Variants in LIMCH1 observed in about 807,000 individuals in gnomAD.
The protein encoded by LIMCH1 is LIM and calponin homology domains-containing protein 1.
Under a neutral mutation model 176.5 loss-of-function variants are expected in LIMCH1, and 113 were observed. The observed-to-expected ratio is 0.64, with a 90% CI of 0.55 to 0.75. The LOEUF is 0.75. LIMCH1 is among the 30% of genes least tolerant of loss of function. The pLI is 0.00. For synonymous variants in LIMCH1, 619 were observed against 645.9 expected, an observed-to-expected ratio of 0.96 and a Z score of 0.63; for missense variants, 1,674 against 1,814.9, an observed-to-expected ratio of 0.92 and a Z score of 1.41.
chr4:41,608,022 A>G (rs2090959608), intron 4 of LIMCH1, among the ~76,000 whole-genome samples: 1 of 152,226 alleles, frequency 6.6e-6, no homozygotes, highest in African/African-American at 2.4e-5. Flanking sequence ...AACAGATAAA[A>G]TAAGACAACA....
At chr4:41,641,461 T>TA (rs35128364) in intron 14 of LIMCH1, among the ~76,000 whole-genome samples, 117 of 148,682 alleles carry the variant, frequency 7.9e-4, no homozygotes, top group African/African-American at 2.3e-3. Flanking sequence ...TGATATTTCT[T>TA]AAAAAAAAAA....
intron 1 of LIMCH1, among the ~76,000 whole-genome samples, chr4:41,564,817 C>G (rs62412480): frequency 2.0e-5 from 3 of 152,024 alleles, no homozygotes; most frequent in African/African-American, 7.2e-5. Context: ...GGAGGTTTTC[C>G]CTGTGTTGTT....
upstream of LIMCH1, among the ~76,000 whole-genome samples, chr4:41,535,053 T>G (rs1219560279): frequency 1.3e-5 from 2 of 150,984 alleles, no homozygotes; most frequent in Non-Finnish European, 2.9e-5. Context: ...TCCCAGCTAC[T>G]TAGGAGGCTG....
chr4:41,682,475 C>T lies in LIMCH1; in HGVS notation c.3845+15C>T, dbSNP rs201391676. The T allele has an allele frequency of 6.9e-4, 1,116 of 1,608,754 alleles. No individual in the cohort carries two copies. Among genetic ancestry groups the T allele is most frequent in the Middle Eastern group, 5.0e-3 (30 of 6,028 alleles). On this transcript the variant is annotated intron_variant, in intron 26 of 31. Transcript: ENST00000503057. Reference sequence around the variant, plus strand: ...GAGAAGGGCAGGTATGAGCCCATCCCAAGCCACCATGAAAATGTACAAAGC... The same window carrying T: ...GAGAAGGGCAGGTATGAGCCCATCCTAAGCCACCATGAAAATGTACAAAGC...
chr4:41,552,509 A>C (rs1424680121), intron 1 of LIMCH1, among the ~76,000 whole-genome samples: 7 of 152,176 alleles, frequency 4.6e-5, no homozygotes, highest in Non-Finnish European at 8.8e-5. Context: ...CTTTCCCTAC[A>C]GGCTCTTGTT....
At chr4:41,602,556 A>G (rs2090102801) in intron 2 of LIMCH1, among the ~76,000 whole-genome samples, 1 of 152,038 alleles carries the variant, frequency 6.6e-6, no homozygotes, top group African/African-American at 2.4e-5. Context: ...TTCTTTCTTA[A>G]ATTAAAAACC....
chr4:41,543,591 G>T (rs2152484027), intron 1 of LIMCH1, among the ~76,000 whole-genome samples: 1 of 152,254 alleles, frequency 6.6e-6, no homozygotes, highest in Non-Finnish European at 1.5e-5. Flanking sequence ...TGTCCTCATG[G>T]TCATTTTGAC....
chr4:41,606,967 T>C (rs2090812081), intron 4 of LIMCH1, among the ~76,000 whole-genome samples: 1 of 152,054 alleles, frequency 6.6e-6, no homozygotes, highest in South Asian at 2.1e-4. Flanking sequence ...CCTGGCTAAT[T>C]TTTGTATTTT....
At chr4:41,417,790 C>G (rs551404930) in intron 1 of LIMCH1, among the ~76,000 whole-genome samples, 1 of 152,324 alleles carries the variant, frequency 6.6e-6, no homozygotes, top group South Asian at 2.1e-4. Flanking sequence ...TCCCAAAATG[C>G]TGGGATTACA....
rs1018600228 is a variant in LIMCH1, at chr4:41,555,411, T to C, written c.-241+17061T>C. ...CTAGTTGACCGCCTTCCATTGGTTC[T>C]AAGGACACTTGGTTAGCAGTGTACT... On this transcript the variant is annotated intron_variant, in intron 1 of 31. Transcript: ENST00000503057. Among the ~76,000 whole-genome samples, 6 of 152,218 alleles carry C rather than the reference T, an allele frequency of 3.9e-5. No individual in the cohort carries two copies. In the South Asian group the frequency reaches 8.3e-4, roughly 21 times the overall value.
chr4:41,574,713 G>A (rs2152638243), intron 1 of LIMCH1, among the ~76,000 whole-genome samples: 2 of 152,296 alleles, frequency 1.3e-5, no homozygotes, highest in Middle Eastern at 6.8e-3. Flanking sequence ...GACTTCAAAT[G>A]TGGCTCGAGT....
chr4:41,516,116 CAT>C (rs1358506830), intron 2 of LIMCH1, among the ~76,000 whole-genome samples: 12 of 152,268 alleles, frequency 7.9e-5, no homozygotes, highest in African/African-American at 2.9e-4. Flanking sequence ...GTTCATTGAT[CAT>C]ATGTTTCATC....
intron 1 of LIMCH1, among the ~76,000 whole-genome samples, chr4:41,563,971 C>T (rs1020929718): frequency 2.6e-5 from 4 of 152,052 alleles, no homozygotes; most frequent in Non-Finnish European, 4.4e-5. Context: ...CAGGAGGATC[C>T]GTGGAACTGT....
chr4:41,631,451 A>G lies in LIMCH1; in HGVS notation c.1575A>G (p.Gln525=), dbSNP rs1278148104. Reference sequence around the variant, plus strand: ...CCACTTCCAGCTTAAAGGGCCACCAAATATTTAATCGACAAAATGACTGCA... The same window carrying G: ...CCACTTCCAGCTTAAAGGGCCACCAGATATTTAATCGACAAAATGACTGCA... ...SAATSSLKGH[Q]IFNRQNDCRT... The change falls in exon 10 of 32, where the codon CAA becomes CAG. Residue 525 remains glutamine, a synonymous_variant. Coordinates refer to ENST00000503057, the MANE Select transcript of LIMCH1 (RefSeq NM_001330672.2). 1 of 1,519,808 alleles carries G rather than the reference A, an allele frequency of 6.6e-7. No individual in the cohort carries two copies. Among genetic ancestry groups the G allele is most frequent in the East Asian group, 2.5e-5 (1 of 40,714 alleles). The allele number at this position is 1,519,808 out of a possible 1,614,324, so 94.1% of individuals were successfully genotyped here.
intron 2 of LIMCH1, among the ~76,000 whole-genome samples, chr4:41,507,596 A>T (rs1324325225): frequency 6.6e-6 from 1 of 152,222 alleles, no homozygotes; most frequent in Non-Finnish European, 1.5e-5. Flanking sequence ...ACTCTGTGCC[A>T]GGAGCTGGGG....
intron 2 of LIMCH1, among the ~76,000 whole-genome samples, chr4:41,602,236 G>T (rs902365825): frequency 6.6e-6 from 1 of 151,330 alleles, no homozygotes; most frequent in Non-Finnish European, 1.5e-5. Flanking sequence ...GATGGGAAAT[G>T]AAAGTGTAAT....
chr4:41,497,330 A>G (rs1561549734), intron 2 of LIMCH1, among the ~76,000 whole-genome samples: 1 of 150,050 alleles, frequency 6.7e-6, no homozygotes, highest in Non-Finnish European at 1.5e-5. Flanking sequence ...AAAAAAAAAA[A>G]GCTTCATCAT....
At chr4:41,411,317 A>G (rs2154123527) in intron 1 of LIMCH1, among the ~76,000 whole-genome samples, 1 of 152,300 alleles carries the variant, frequency 6.6e-6, no homozygotes, top group Admixed American at 6.5e-5. Context: ...ATCATGGCCA[A>G]CATGATCAAA....
At chr4:41,630,451 G>A (rs899193883) in intron 9 of LIMCH1, among the ~76,000 whole-genome samples, 1 of 152,082 alleles carries the variant, frequency 6.6e-6, no homozygotes, top group African/African-American at 2.4e-5. Flanking sequence ...TGATAGACTT[G>A]TTTACTGTAA....
Sources: allele counts gnomAD v4.1 joint callset (sites outside exome capture counted in the v4.1 genomes callset), GRCh38; gene constraint gnomAD v4.1.1; transcripts MANE v1.5; gene names NCBI Gene and HGNC (gene_info 2026-07-23, HGNC 2026-07-21).